The following FSAF1 variants were observed in gnomAD, a reference collection of about 807,000 sequenced individuals.
The protein encoded by FSAF1 is 40S small subunit processome assembly factor 1, also known as uncharacterized protein C1orf131.
chr1:231,224,054 A>C, the FSAF1 span: 1 of 409,962 alleles, frequency 2.4e-6, no homozygotes, highest in Non-Finnish European at 4.2e-6. Context: ...ATCACTTTTC[A>C]GTGGGTTCAC....
At chr1:231,227,070 T>C in the FSAF1 span, 1 of 1,614,082 alleles carries the variant, frequency 6.2e-7, no homozygotes, top group Admixed American at 1.7e-5. Context: ...TAAACGAGCC[T>C]GCGGACACAA....
chr1:231,239,722 G>C, the FSAF1 span, among the ~76,000 whole-genome samples: 10 of 152,188 alleles, frequency 6.6e-5, no homozygotes, highest in Non-Finnish European at 1.3e-4. Flanking sequence ...CAGAATCCTA[G>C]GCATCCTTAC....
chr1:231,232,365 G>A, the FSAF1 span, among the ~76,000 whole-genome samples: 1 of 152,138 alleles, frequency 6.6e-6, no homozygotes, highest in African/African-American at 2.4e-5. Context: ...CACGAGCAGA[G>A]GGGGTGTGTG....
the FSAF1 span, chr1:231,241,089 C>G: frequency 1.5e-5 from 25 of 1,614,100 alleles, no homozygotes; most frequent in East Asian, 5.6e-4. Context: ...CGTGGAGGAC[C>G]CCGGCCCTTG....
the FSAF1 span, chr1:231,226,520 C>A: frequency 1.7e-6 from 1 of 597,364 alleles, no homozygotes; most frequent in Admixed American, 3.0e-5. Flanking sequence ...CGGACTAAGA[C>A]AAGGAGTTTG....
chr1:231,225,900 C>G, the FSAF1 span: 4 of 193,782 alleles, frequency 2.1e-5, no homozygotes, highest in East Asian at 3.6e-4. Flanking sequence ...AAGCTCAAAT[C>G]TTCCATTTTA....
chr1:231,240,017 A>G, the FSAF1 span, among the ~76,000 whole-genome samples: 1 of 152,196 alleles, frequency 6.6e-6, no homozygotes, highest in African/African-American at 2.4e-5. This position sits in a 1 kb window ranked among gnomAD's most constrained non-coding sequence, Gnocchi z 4.1. Context: ...AATATGTCCA[A>G]GGGCACAGAA....
At chr1:231,241,043 G>A in the FSAF1 span, 1 of 1,614,160 alleles carries the variant, frequency 6.2e-7, no homozygotes, top group Non-Finnish European at 8.5e-7. Context: ...AAAGGTTCTG[G>A]AGCAGAGCGT....
the FSAF1 span, among the ~76,000 whole-genome samples, chr1:231,230,995 G>A: frequency 1.3e-5 from 2 of 152,222 alleles, no homozygotes; most frequent in African/African-American, 2.4e-5. Flanking sequence ...TGGGCTTGGG[G>A]TGCTGATGGT....
the FSAF1 span, chr1:231,239,219 A>G: frequency 1.3e-6 from 2 of 1,502,076 alleles, no homozygotes; most frequent in Non-Finnish European, 8.9e-7. Context: ...AGGAAAATAA[A>G]TATTTTCAGT....
At chr1:231,241,151 C>G in the FSAF1 span, 1 of 1,604,066 alleles carries the variant, frequency 6.2e-7, no homozygotes, top group African/African-American at 1.3e-5. Context: ...TTCTGCCGCG[C>G]TGCACCCCCG....
the FSAF1 span, chr1:231,241,051 C>A: frequency 6.2e-7 from 1 of 1,614,104 alleles, no homozygotes; most frequent in Non-Finnish European, 8.5e-7. Context: ...TGGAGCAGAG[C>A]GTCAAGAAGT....
At chr1:231,227,331 G>C in the FSAF1 span, among the ~76,000 whole-genome samples, 3 of 152,098 alleles carry the variant, frequency 2.0e-5, no homozygotes, top group Admixed American at 2.0e-4. Context: ...CAGTTAAAAA[G>C]AGGCATGATC....
At chr1:231,239,846 G>GA in the FSAF1 span, among the ~76,000 whole-genome samples, 12 of 152,206 alleles carry the variant, frequency 7.9e-5, no homozygotes, top group East Asian at 5.8e-4. Context: ...ACTAAACTTT[G>GA]GCATTAAGGA....
At chr1:231,240,722 GA>G in the FSAF1 span, among the ~76,000 whole-genome samples, 1 of 152,142 alleles carries the variant, frequency 6.6e-6, no homozygotes, top group African/African-American at 2.4e-5. This position sits in a 1 kb window ranked among gnomAD's most constrained non-coding sequence, Gnocchi z 4.1. Flanking sequence ...CAGGGCTCAA[GA>G]AAACGTGGAA....
the FSAF1 span, chr1:231,239,209 A>C: frequency 6.6e-7 from 1 of 1,518,140 alleles, no homozygotes; most frequent in Non-Finnish European, 8.8e-7. Context: ...AAACACAAGA[A>C]GGAAAATAAA....
At chr1:231,225,216 T>C in the FSAF1 span, 158,750 of 537,276 alleles carry the variant, frequency 0.3, 24,378 homozygotes, top group Admixed American at 0.41. Flanking sequence ...CTTGGAAATG[T>C]AAACTGCAGC....
the FSAF1 span, chr1:231,239,003 G>C: frequency 6.2e-7 from 1 of 1,614,144 alleles, no homozygotes; most frequent in South Asian, 1.1e-5. Flanking sequence ...GTCCCAGAAG[G>C]AGCACAATGC....
chr1:231,234,341 T>C, the FSAF1 span, among the ~76,000 whole-genome samples: 2 of 152,166 alleles, frequency 1.3e-5, no homozygotes, highest in African/African-American at 4.8e-5. This position sits in a 1 kb window ranked among gnomAD's most constrained non-coding sequence, Gnocchi z 4.0. Flanking sequence ...TGTGGAGAAA[T>C]GGCAGTGACA....
Sources: allele counts gnomAD v4.1 joint callset (sites outside exome capture counted in the v4.1 genomes callset), GRCh38; gene constraint gnomAD v4.1.1; non-coding constraint Gnocchi (gnomAD v3.1); transcripts MANE v1.5; gene names NCBI Gene and HGNC (gene_info 2026-07-23, HGNC 2026-07-21).